Variants in DNM1L observed in about 807,000 individuals in gnomAD.
DNM1L encodes dynamin 1L.
Under a neutral mutation model 92.8 loss-of-function variants are expected in DNM1L, and 33 were observed. The ratio of observed to expected loss-of-function variants is 0.36; its 90% CI spans 0.27 to 0.48. The LOEUF is 0.48. DNM1L is among the 20% of genes least tolerant of loss of function. The pLI is 0.99. For synonymous variants in DNM1L, 284 were observed against 305.0 expected (o/e 0.93, Z 0.72); for missense variants, 485 against 888.8 (o/e 0.55, Z 5.78).
chr12:32,681,668 A>G (rs370902279), intron 1 of DNM1L, among the ~76,000 whole-genome samples: 99 of 143,862 alleles, frequency 6.9e-4, no homozygotes, highest in African/African-American at 2.5e-3. Flanking sequence ...ATACTAGTAT[A>G]CCATTACTTT....
In DNM1L at chr12:32,722,639, TAAGA is replaced by T. The variant is rs1209254698; in HGVS notation, c.1079+9_1079+12del. The T allele has an allele frequency of 6.2e-7, 1 of 1,608,608 alleles. No individual in the cohort carries two copies. Among genetic ancestry groups the T allele is most frequent in the African/African-American group, 1.3e-5 (1 of 74,812 alleles). ...TATATTGAAACTTCGGAGCTGTAAG[TAAGA>T]AATTTTTCTGTAGATTTGGTTACCT... On this transcript the variant is annotated splice_region_variant and intron_variant, in intron 9 of 19. Coordinates refer to ENST00000549701, the MANE Select transcript of DNM1L (RefSeq NM_012062.5).
At chr12:32,694,611 C>T (rs1185089010) in intron 1 of DNM1L, among the ~76,000 whole-genome samples, 3 of 152,184 alleles carry the variant, frequency 2.0e-5, no homozygotes, top group Admixed American at 6.5e-5. Flanking sequence ...GGGAAGATGA[C>T]AGCAGTGGTA....
intron 2 of DNM1L, among the ~76,000 whole-genome samples, chr12:32,704,414 G>T (rs1315812560): frequency 6.6e-6 from 1 of 151,952 alleles, no homozygotes; most frequent in Non-Finnish European, 1.5e-5. Flanking sequence ...GCTAGGTGTG[G>T]TGGCGGGTGC....
At chr12:32,715,748 T>C (rs1378048300) in intron 6 of DNM1L, among the ~76,000 whole-genome samples, 1 of 152,104 alleles carries the variant, frequency 6.6e-6, no homozygotes, top group Non-Finnish European at 1.5e-5. Context: ...AGAAAAATGC[T>C]TGTAACTGAA....
intron 9 of DNM1L, among the ~76,000 whole-genome samples, chr12:32,724,684 A>G (rs1346380184): frequency 9.3e-6 from 1 of 107,798 alleles, no homozygotes; most frequent in African/African-American, 3.6e-5. Context: ...AATATATATA[A>G]TAATATATAT....
chr12:32,715,644 A>AT (rs1392458507), intron 6 of DNM1L, among the ~76,000 whole-genome samples: 1 of 152,122 alleles, frequency 6.6e-6, no homozygotes, highest in Non-Finnish European at 1.5e-5. Flanking sequence ...AGACATGAGA[A>AT]TCACTTGAAC....
intron 1 of DNM1L, among the ~76,000 whole-genome samples, chr12:32,688,314 A>G (rs1306714344): frequency 2.0e-5 from 3 of 152,198 alleles, no homozygotes; most frequent in Non-Finnish European, 2.9e-5. Context: ...AGGTTGCTTC[A>G]GGTTTTATTG....
chr12:32,738,184 T>C, intron 15 of DNM1L, 80 bp from the exon 16 acceptor site: 1 of 1,517,636 alleles, frequency 6.6e-7, no homozygotes, highest in Non-Finnish European at 9.1e-7. Flanking sequence ...GAGGAAATTA[T>C]CCTGCACTTT....
chr12:32,680,213 T>C (rs1280181358), intron 1 of DNM1L, among the ~76,000 whole-genome samples: 7 of 151,902 alleles, frequency 4.6e-5, no homozygotes, highest in Non-Finnish European at 1.0e-4. Flanking sequence ...GCTAACTCAT[T>C]TTTTTTTGAA....
intron 4 of DNM1L, among the ~76,000 whole-genome samples, chr12:32,709,253 T>A (rs1953035290): frequency 6.6e-6 from 1 of 152,150 alleles, no homozygotes; most frequent in Non-Finnish European, 1.5e-5. Context: ...GGCCAGAAAC[T>A]AGATTAGCTT....
rs113543013 is a variant in DNM1L, at chr12:32,711,149, C to T, written c.456+134C>T. 54 of 768,066 alleles carry T rather than the reference C, an allele frequency of 7.0e-5. 3 individuals are homozygous for T. The South Asian group carries it at 8.0e-4, about 11-fold the overall frequency. 47.6% of individuals were successfully genotyped at this position (768,066 alleles called of 1,614,324 possible). On this transcript the variant is annotated intron_variant, in intron 5 of 19. Coordinates refer to ENST00000549701, the MANE Select transcript of DNM1L (RefSeq NM_012062.5). ...TTGATAACGTTGAGCCCTCCTTTCT[C>T]CTTGAAACACTTTCTTTACTTGGCT...
chr12:32,694,830 A>G (rs1418780088), intron 1 of DNM1L, among the ~76,000 whole-genome samples: 1 of 152,210 alleles, frequency 6.6e-6, no homozygotes, highest in East Asian at 1.9e-4. Context: ...GGAGCGGAGA[A>G]TTGTAAATAA....
At chr12:32,726,213 T>C (rs1954131065) in intron 9 of DNM1L, among the ~76,000 whole-genome samples, 1 of 152,180 alleles carries the variant, frequency 6.6e-6, no homozygotes, top group East Asian at 1.9e-4. Context: ...GAAAAACTAG[T>C]GAAAATGCTA....
chr12:32,726,576 AT>A, intron 9 of DNM1L: 1 of 1,209,092 alleles, frequency 8.3e-7, no homozygotes, highest in Non-Finnish European at 1.2e-6. Flanking sequence ...AAAGTGACCA[AT>A]TTTGAAGTCT....
At chr12:32,714,040 A>G (rs1190314085) in intron 6 of DNM1L, among the ~76,000 whole-genome samples, 1 of 152,162 alleles carries the variant, frequency 6.6e-6, no homozygotes, top group Non-Finnish European at 1.5e-5. Flanking sequence ...CTCATAGTAT[A>G]TATAAAATGC....
intron 6 of DNM1L, among the ~76,000 whole-genome samples, chr12:32,715,681 G>A (rs1186217524): frequency 1.3e-5 from 2 of 152,074 alleles, no homozygotes; most frequent in East Asian, 1.9e-4. Context: ...ACAATGAGCC[G>A]AGATTGTGCC....
rs570938976 is a variant in DNM1L, at chr12:32,699,954, C to T, written c.103-1461C>T. Among the ~76,000 whole-genome samples, 12 of 151,936 alleles carry T rather than the reference C, an allele frequency of 7.9e-5. No homozygotes were observed. In the East Asian group the frequency reaches 9.7e-4, roughly 12 times the overall value. Reference sequence around the variant, plus strand: ...TTAAAATCTGTATGCTCATTAATAACGGCAATTTAACTTAAATGAACTAAA... The same window carrying T: ...TTAAAATCTGTATGCTCATTAATAATGGCAATTTAACTTAAATGAACTAAA... On this transcript the variant is annotated intron_variant, in intron 1 of 19. Transcript: ENST00000549701.
chr12:32,708,544 G>C (rs933822707), intron 4 of DNM1L, among the ~76,000 whole-genome samples: 1 of 152,046 alleles, frequency 6.6e-6, no homozygotes, highest in Non-Finnish European at 1.5e-5. Flanking sequence ...GCTACAATAA[G>C]TTATCTTTTT....
chr12:32,697,526 G>C (rs1026421255), intron 1 of DNM1L, among the ~76,000 whole-genome samples: 13 of 152,148 alleles, frequency 8.5e-5, no homozygotes, highest in Admixed American at 6.5e-5. Context: ...TTGAGAATCT[G>C]TGTGTAACAT....
Sources: gnomAD v4.1 joint callset for allele counts (sites outside exome capture counted in the v4.1 genomes callset) on GRCh38, gnomAD v4.1.1 for gene constraint, MANE v1.5 for transcripts, NCBI Gene and HGNC (gene_info 2026-07-23, HGNC 2026-07-21) for gene names.